The following TULP4 variants were observed in gnomAD, a reference collection of about 807,000 sequenced individuals.
TULP4 encodes the protein tubby-related protein 4.
A neutral mutation model predicts 129.0 loss-of-function variants in TULP4; 16 were observed. The ratio of observed to expected loss-of-function variants is 0.12; its 90% confidence interval spans 0.08 to 0.19. TULP4 has a LOEUF of 0.19. TULP4 is among the 10% of genes least tolerant of loss of function. The pLI is 1.00. For missense variants in TULP4, 1,842 were observed against 2,059.1 expected, an observed-to-expected ratio of 0.89 and a Z score of 2.04; for synonymous variants, 998 against 854.0, an observed-to-expected ratio of 1.17 and a Z score of -2.94.
chr6:158,353,982 T>C (rs828006), intron 1 of TULP4, among the ~76,000 whole-genome samples: 81,169 of 152,132 alleles, frequency 0.53, 21,878 homozygotes, highest in South Asian at 0.61. Context: ...GTTGCTGTGG[T>C]CATCGGCCCC....
At chr6:158,327,887 A>G (rs1270893322) in intron 1 of TULP4, among the ~76,000 whole-genome samples, 5 of 152,044 alleles carry the variant, frequency 3.3e-5, no homozygotes, top group Admixed American at 2.0e-4. Flanking sequence ...TTGTGTGTGT[A>G]TATGTAGGGG....
intron 2 of TULP4, among the ~76,000 whole-genome samples, chr6:158,420,188 A>G (rs1308108156): frequency 6.6e-6 from 1 of 152,260 alleles, no homozygotes; most frequent in African/African-American, 2.4e-5. Context: ...TTAAAATTTG[A>G]TTTATGAACA....
intron 1 of TULP4, among the ~76,000 whole-genome samples, chr6:158,388,337 T>C (rs1428390113): frequency 1.5e-5 from 2 of 136,318 alleles, no homozygotes; most frequent in African/African-American, 2.8e-5. Context: ...TTTTTTTTTT[T>C]TTTTTTTTTT....
At chr6:158,381,657 A>T (rs1021535770) in intron 1 of TULP4, among the ~76,000 whole-genome samples, 2 of 152,314 alleles carry the variant, frequency 1.3e-5, no homozygotes, top group South Asian at 2.1e-4. Context: ...AGTGTGGAGG[A>T]GAAATGACTG....
chr6:158,506,635 T>A lies in TULP4; in HGVS notation c.4573T>A (p.Phe1525Ile). 6.2e-7 allele frequency: 1 copy of A among 1,614,150 alleles called. No individual in the cohort carries two copies. Among genetic ancestry groups the A allele is most frequent in the Non-Finnish European group, 8.5e-7 (1 of 1,179,986 alleles). Residue 1525 changes from phenylalanine (F) to isoleucine (I), a missense_variant, in exon 14 of 14, where the codon TTC becomes ATC. Physicochemically the swap from Phe to Ile is conservative, Grantham distance 21. Coordinates refer to ENST00000367097, the MANE Select transcript of TULP4 (RefSeq NM_020245.5). The stretch of plus-strand genomic sequence containing the variant: ...GTACATTCTAGACTTCCAGTATCCG[T>A]TCTCAGCCGTGCAGGCCTTTGCAGT... Reference protein sequence around the residue: ...SAYILDFQYPFSAVQAFAVAL... With the variant: ...SAYILDFQYPISAVQAFAVAL...
intron 3 of TULP4, among the ~76,000 whole-genome samples, chr6:158,440,955 A>G (rs1184086653): frequency 6.6e-6 from 1 of 152,232 alleles, no homozygotes; most frequent in African/African-American, 2.4e-5. Flanking sequence ...TCAGGCGATG[A>G]ATCACCAAAT....
chr6:158,262,010 G>A (rs1490902646), intron 1 of TULP4, among the ~76,000 whole-genome samples: 1 of 152,174 alleles, frequency 6.6e-6, no homozygotes, highest in Non-Finnish European at 1.5e-5. Flanking sequence ...CATGTGAGGC[G>A]GGGAAATGAG....
In TULP4 at chr6:158,481,079, A is replaced by T. The variant is rs1236055778; in HGVS notation, c.1276A>T (p.Met426Leu). ...GCCCCCAATTCCAGATCCGAACAAC[A>T]TGAGAGACTTTGTCAGCTACCCATC... The part of the protein sequence containing the change: ...IKPPIPDPNN[M>L]RDFVSYPSAG... The change falls in exon 8 of 14, where the codon ATG (methionine) becomes TTG (leucine). Residue 426 changes from methionine (M) to leucine (L), a missense_variant. Physicochemically the swap from Met to Leu is conservative, Grantham distance 15. Around this residue, in one of 5 missense-constraint regions of TULP4, gnomAD observed 456 missense variants for 534.3 expected, o/e 0.85. Coordinates refer to ENST00000367097, the MANE Select transcript of TULP4 (RefSeq NM_020245.5). 4 of 1,588,548 alleles carry T rather than the reference A, an allele frequency of 2.5e-6. No homozygotes were observed. The highest frequency in any genetic ancestry group is 3.4e-6 in the Non-Finnish European group (4 of 1,164,064).
At chr6:158,495,941 C>G (rs1030007642) in intron 11 of TULP4, among the ~76,000 whole-genome samples, 2 of 152,022 alleles carry the variant, frequency 1.3e-5, no homozygotes, top group African/African-American at 4.8e-5. Context: ...CTGTCCATGG[C>G]AAGTTTGAAA....
chr6:158,491,879 G>T (rs1780219255), intron 9 of TULP4, among the ~76,000 whole-genome samples: 1 of 137,778 alleles, frequency 7.3e-6, no homozygotes, highest in Non-Finnish European at 1.6e-5. Context: ...GTTTTTTCGA[G>T]CTGGAGTCTT....
intron 1 of TULP4, among the ~76,000 whole-genome samples, chr6:158,393,926 G>A (rs1453268950): frequency 2.0e-5 from 3 of 152,192 alleles, no homozygotes; most frequent in Non-Finnish European, 2.9e-5. Context: ...CAGAAAATGG[G>A]TTTTTCCTTT....
chr6:158,451,215 G>C (rs149779540), intron 4 of TULP4, among the ~76,000 whole-genome samples: 283 of 149,042 alleles, frequency 1.9e-3, no homozygotes, highest in African/African-American at 7.0e-3. Context: ...TCAGAAGCAG[G>C]GGGGGCAGTT....
Position 158,498,715 on chromosome 6 carries a change from C to T in TULP4, c.1917C>T (p.Thr639=). 6.2e-7 allele frequency: 1 copy of T among 1,614,202 alleles called. No individual in the cohort carries two copies. Among genetic ancestry groups the T allele is most frequent in the Non-Finnish European group, 8.5e-7 (1 of 1,180,032 alleles). The change falls in exon 12 of 14, where the codon ACC becomes ACT. Residue 639 remains threonine, a synonymous_variant. Coordinates refer to ENST00000367097, the MANE Select transcript of TULP4 (RefSeq NM_020245.5). The part of the protein sequence containing the change: ...SLLHLQPRQM[T]IYLPEVRKIS... ...TGCATCTCCAGCCGCGGCAGATGAC[C>T]ATTTATCTCCCAGAAGTTCGGAAAA...
At chr6:158,297,089 C>T (rs1779048810) in intron 1 of TULP4, among the ~76,000 whole-genome samples, 1 of 151,854 alleles carries the variant, frequency 6.6e-6, no homozygotes, top group South Asian at 2.1e-4. Flanking sequence ...GTATCTCAGT[C>T]CTTTTCTCAA....
chr6:158,493,534 G>A lies in TULP4; in HGVS notation c.1632-39G>A, dbSNP rs760670254. 34 of 1,432,614 alleles carry A rather than the reference G, an allele frequency of 2.4e-5. No homozygotes were observed. The highest frequency in any genetic ancestry group is 3.1e-5 in the South Asian group (2 of 63,634). The allele number at this position is 1,432,614 out of a possible 1,614,324, so 88.7% of individuals were successfully genotyped here. A position where few individuals can be genotyped will look rare whatever the true frequency, so the allele number is the denominator to read the frequency against. On this transcript the variant is annotated intron_variant, in intron 9 of 13. Coordinates refer to ENST00000367097, the MANE Select transcript of TULP4 (RefSeq NM_020245.5). The surrounding 1 kb of genome is among the most constrained non-coding windows in gnomAD (Gnocchi z 4.4). ...AGTCAGGGCCATGCTCACCATTCCC[G>A]CCACGGATGCCTGACCCCTCCTGGC... is the stretch of plus-strand genomic sequence containing the variant.
chr6:158,359,259 G>A (rs1437574070), intron 1 of TULP4, among the ~76,000 whole-genome samples: 1 of 152,090 alleles, frequency 6.6e-6, no homozygotes, highest in South Asian at 2.1e-4. Context: ...AAAAAAAATC[G>A]TTCTTTGCCA....
At chr6:158,366,114 A>C (rs1220713422) in intron 1 of TULP4, among the ~76,000 whole-genome samples, 1 of 151,722 alleles carries the variant, frequency 6.6e-6, no homozygotes, top group East Asian at 2.0e-4. Context: ...CATGTTAGCC[A>C]GGATGGTCTC....
chr6:158,404,331 C>G (rs1777924823), intron 1 of TULP4, among the ~76,000 whole-genome samples: 1 of 152,144 alleles, frequency 6.6e-6, no homozygotes, highest in African/African-American at 2.4e-5. Context: ...ACCATACCTG[C>G]TTCTTAGGTT....
intron 1 of TULP4, among the ~76,000 whole-genome samples, chr6:158,290,548 C>T (rs1583708539): frequency 7.6e-6 from 1 of 132,360 alleles, no homozygotes; most frequent in African/African-American, 2.9e-5. Flanking sequence ...TTGTTTTTCT[C>T]TTTCTAGGGG....
Sources: gnomAD v4.1 joint callset for allele counts (sites outside exome capture counted in the v4.1 genomes callset) on GRCh38, gnomAD v4.1.1 for gene constraint, gnomAD v4.1.1 regional missense constraint, Gnocchi (gnomAD v3.1) non-coding constraint, MANE v1.5 for transcripts, NCBI Gene and HGNC (gene_info 2026-07-23, HGNC 2026-07-21) for gene names.